LUZP2: variants seen among roughly 807,000 people sequenced by gnomAD.
The protein encoded by LUZP2 is leucine zipper protein 2.
LUZP2 carries 52 observed loss-of-function variants against 51.6 expected under a neutral mutation model. The ratio of observed to expected loss-of-function variants is 1.01; its 90% CI spans 0.81 to 1.27. The LOEUF (loss-of-function observed/expected upper bound fraction) is 1.27. Ranked by LOEUF, LUZP2 falls within the 50% of genes most tolerant of loss-of-function variation. LUZP2 has a pLI of 0.00. For missense variants in LUZP2, 436 were observed against 395.4 expected (o/e 1.10, Z -0.87); for synonymous variants, 154 against 137.3 (o/e 1.12, Z -0.85).
Position 24,959,221 on chromosome 11 carries a change from T to C in LUZP2, c.523-17370T>C, listed in dbSNP as rs1346826055. ...CCAGCTTTGTTCTTTTGGCTTAGGA[T>C]TGACTTGGCGATGCGGGCTCTTTTT... On this transcript the variant is annotated intron_variant, in intron 7 of 11. Transcript: ENST00000336930. Among the ~76,000 whole-genome samples, 10 of 152,276 alleles carry C rather than the reference T, an allele frequency of 6.6e-5. No homozygotes were observed. In the South Asian group the frequency reaches 1.0e-3, roughly 16 times the overall value.
intron 2 of LUZP2, among the ~76,000 whole-genome samples, chr11:24,731,768 C>T (rs1404904937): frequency 6.6e-6 from 1 of 151,782 alleles, no homozygotes; most frequent in Non-Finnish European, 1.5e-5. Flanking sequence ...TTTGTAGAAG[C>T]TGTGCCAGAC....
chr11:25,043,921 G>T (rs1290211304), intron 9 of LUZP2, among the ~76,000 whole-genome samples: 1 of 139,834 alleles, frequency 7.2e-6, no homozygotes, highest in Non-Finnish European at 1.5e-5. Flanking sequence ...ACATATATCT[G>T]ATATATATAT....
chr11:25,080,894 T>C lies in LUZP2; in HGVS notation c.*2236T>C, dbSNP rs1362328748. The C allele has an allele frequency of 6.6e-6, 1 of 152,120 alleles. No homozygotes were observed. Among genetic ancestry groups the C allele is most frequent in the South Asian group, 2.1e-4 (1 of 4,830 alleles). 9.4% of individuals were successfully genotyped at this position (152,120 alleles called of 1,614,324 possible). A position where few individuals can be genotyped will look rare whatever the true frequency, so the allele number is the denominator to read the frequency against. ...CCTGAAATTGTTATGAGAGATAACA[T>C]GTTGAAAGGTAAGAACTCAGGTTGA... On this transcript the variant is annotated 3_prime_UTR_variant, in exon 12 of 12. Coordinates refer to ENST00000336930, the MANE Select transcript of LUZP2 (RefSeq NM_001009909.4).
intron 5 of LUZP2, among the ~76,000 whole-genome samples, chr11:24,877,887 A>G (rs190050346): frequency 6.6e-6 from 1 of 152,206 alleles, no homozygotes; most frequent in East Asian, 1.9e-4. Context: ...GGCTTATTTT[A>G]CTTAATATAG....
intron 1 of LUZP2, among the ~76,000 whole-genome samples, chr11:24,592,717 C>CTT (rs1165140823): frequency 6.6e-6 from 1 of 150,912 alleles, no homozygotes; most frequent in East Asian, 1.9e-4. Flanking sequence ...GTCTGAATGT[C>CTT]TGAGTATCAC....
intron 5 of LUZP2, among the ~76,000 whole-genome samples, chr11:24,795,023 A>G (rs934829243): frequency 7.2e-5 from 11 of 152,058 alleles, no homozygotes; most frequent in Admixed American, 6.6e-5. Flanking sequence ...CTCACTTGCA[A>G]GTAGAATTCA....
intron 1 of LUZP2, among the ~76,000 whole-genome samples, chr11:24,694,295 T>C (rs1857171507): frequency 6.6e-6 from 1 of 152,080 alleles, no homozygotes; most frequent in South Asian, 2.1e-4. Context: ...GTTTAGAATG[T>C]TATTTCCCCA....
chr11:24,597,988 C>T (rs542303194), intron 1 of LUZP2, among the ~76,000 whole-genome samples: 20 of 151,896 alleles, frequency 1.3e-4, no homozygotes, highest in Admixed American at 6.6e-4. Flanking sequence ...GTAATCCCAG[C>T]TGCTTGAGAG....
chr11:24,525,737 C>T (rs1046692928), intron 1 of LUZP2, among the ~76,000 whole-genome samples: 1 of 151,338 alleles, frequency 6.6e-6, no homozygotes, highest in South Asian at 2.1e-4. Context: ...CAGATATACA[C>T]ACACACAGTC....
At chr11:24,513,409 G>T (rs1850371141) in intron 1 of LUZP2, among the ~76,000 whole-genome samples, 1 of 144,896 alleles carries the variant, frequency 6.9e-6, no homozygotes, top group Non-Finnish European at 1.5e-5. Flanking sequence ...TTTACAATCA[G>T]CATCAAGAGA....
chr11:24,981,668 G>A (rs1856035640), intron 8 of LUZP2, among the ~76,000 whole-genome samples: 1 of 151,836 alleles, frequency 6.6e-6, no homozygotes, highest in African/African-American at 2.4e-5. Flanking sequence ...TTTTATCAGA[G>A]ACAAATTTGT....
intron 1 of LUZP2, among the ~76,000 whole-genome samples, chr11:24,529,660 G>A (rs74974348): frequency 0.01 from 1,512 of 151,000 alleles, 28 homozygotes; most frequent in African/African-American, 0.035. Flanking sequence ...TAAGGTCACT[G>A]GTGACACTCT....
At position 25,003,459 on chromosome 11, in the gene LUZP2, G is replaced by A. The variant is rs562396204; in HGVS notation, c.765+20166G>A. Reference sequence around the variant, plus strand: ...GTATTTGAGAGAGCAGGGTATAGGGGTGGGTATAACTGGATATAGAGGAAT... The same window carrying A: ...GTATTTGAGAGAGCAGGGTATAGGGATGGGTATAACTGGATATAGAGGAAT... On this transcript the variant is annotated intron_variant, in intron 9 of 11. Transcript: ENST00000336930. Among the ~76,000 whole-genome samples the A allele has an allele frequency of 4.6e-5, 7 of 152,302 alleles. No individual in the cohort carries two copies. In the South Asian group the frequency reaches 6.2e-4, roughly 14 times the overall value.
At chr11:24,850,983 A>T (rs1025334038) in intron 5 of LUZP2, among the ~76,000 whole-genome samples, 2 of 152,224 alleles carry the variant, frequency 1.3e-5, no homozygotes, top group African/African-American at 4.8e-5. Context: ...ACTTTGCTGA[A>T]GTTGCTTATC....
At chr11:24,984,610 AC>A (rs1205892334) in intron 9 of LUZP2, among the ~76,000 whole-genome samples, 2 of 146,090 alleles carry the variant, frequency 1.4e-5, no homozygotes, top group Non-Finnish European at 3.0e-5. Flanking sequence ...GCAAGGGTTT[AC>A]TAGAAAAAGG....
chr11:24,604,464 C>A (rs914021697), intron 1 of LUZP2, among the ~76,000 whole-genome samples: 3 of 151,566 alleles, frequency 2.0e-5, no homozygotes, highest in African/African-American at 7.3e-5. Flanking sequence ...ATTAAAACAC[C>A]GTTTAGCTTT....
intron 4 of LUZP2, among the ~76,000 whole-genome samples, chr11:24,753,590 C>T (rs11028141): frequency 0.06 from 9,079 of 152,160 alleles, 648 homozygotes; most frequent in East Asian, 0.41. Context: ...TCAGATACAA[C>T]GCTCATTCCC....
At chr11:24,996,663 C>G (rs1292446463) in intron 9 of LUZP2, among the ~76,000 whole-genome samples, 4 of 144,208 alleles carry the variant, frequency 2.8e-5, no homozygotes, top group Non-Finnish European at 5.9e-5. Flanking sequence ...TGCATGTGCA[C>G]AATGTGAAGG....
At chr11:24,546,941 TTTGTTGTTG>T (rs1033212527) in intron 1 of LUZP2, among the ~76,000 whole-genome samples, 20 of 149,900 alleles carry the variant, frequency 1.3e-4, no homozygotes, top group Admixed American at 2.7e-4. Context: ...TGTGTGTGTT[TTTGTTGTTG>T]TTGTTGTTGT....
Sources: gnomAD v4.1 joint callset for allele counts (sites outside exome capture counted in the v4.1 genomes callset) on GRCh38, gnomAD v4.1.1 for gene constraint, MANE v1.5 for transcripts, NCBI Gene and HGNC (gene_info 2026-07-23, HGNC 2026-07-21) for gene names.